RNF216: variants seen among roughly 807,000 people sequenced by gnomAD.
The protein encoded by RNF216 is E3 ubiquitin-protein ligase RNF216.
A neutral mutation model predicts 110.8 loss-of-function variants in RNF216; 72 were observed. The observed-to-expected ratio is 0.65, with a 90% CI of 0.54 to 0.79. The LOEUF is 0.79. RNF216 is among the 30% of genes least tolerant of loss of function. The pLI is 0.00. For synonymous variants in RNF216, 495 were observed against 407.5 expected, an observed-to-expected ratio of 1.21 and a Z score of -2.59; for missense variants, 1,342 against 1,141.2, an observed-to-expected ratio of 1.18 and a Z score of -2.54.
intron 14 of RNF216, 46 bp downstream of exon 14, chr7:5,652,367 G>C (rs1788446024): frequency 7.4e-7 from 1 of 1,358,930 alleles, no homozygotes; most frequent in Admixed American, 1.7e-5. Flanking sequence ...AGGTTAATGG[G>C]GAAGTTGAGA....
chr7:5,754,056 C>T lies in RNF216; in HGVS notation c.68-1077G>A, dbSNP rs117636845. ...AGAGAAGAAGAAAGAAACGAAATGACGCACCTCATCACTGCAATTTTTGAA... is the reference window on the plus strand; with the variant it reads ...AGAGAAGAAGAAAGAAACGAAATGATGCACCTCATCACTGCAATTTTTGAA... On this transcript the variant is annotated intron_variant, in intron 2 of 16. Coordinates refer to ENST00000389902, the MANE Select transcript of RNF216 (RefSeq NM_207111.4). Among the ~76,000 whole-genome samples, 441 of 151,900 alleles carry T rather than the reference C, an allele frequency of 2.9e-3. 1 individual carries two copies. The highest frequency in any genetic ancestry group is 6.8e-3 in the Middle Eastern group (2 of 294).
Position 5,741,257 on chromosome 7 carries a change from G to A in RNF216, c.760C>T (p.Arg254Trp), listed in dbSNP as rs372108527. The change falls in exon 4 of 17, where the codon CGG becomes TGG. Residue 254 changes from arginine (R) to tryptophan (W), a missense_variant. Physicochemically the swap from Arg to Trp is moderately radical, Grantham distance 101. Transcript: ENST00000389902. ...EITNQVVPQE[R>W]QPEAELGRLL... Reference sequence around the variant, plus strand: ...CGGCCCAGTTCTGCTTCAGGCTGCCGTTCCTGAGGAACGACCTGGTTTGTT... The same window carrying A: ...CGGCCCAGTTCTGCTTCAGGCTGCCATTCCTGAGGAACGACCTGGTTTGTT... 8.7e-6 allele frequency: 14 copies of A among 1,614,012 alleles called. No individual in the cohort carries two copies. The highest frequency in any genetic ancestry group is 6.7e-5 in the East Asian group (3 of 44,888).
intron 1 of RNF216, among the ~76,000 whole-genome samples, chr7:5,774,015 A>C (rs995209789): frequency 7.2e-5 from 11 of 152,228 alleles, no homozygotes; most frequent in African/African-American, 2.2e-4. Flanking sequence ...CGGTTCAAAA[A>C]ATTCCTCATG....
intron 1 of RNF216, among the ~76,000 whole-genome samples, chr7:5,776,048 T>C (rs1796756651): frequency 6.6e-6 from 1 of 152,114 alleles, no homozygotes; most frequent in Admixed American, 6.6e-5. Context: ...TGGATATCCA[T>C]CCTTTTGTAA....
At chr7:5,686,682 T>C (rs146780514) in intron 13 of RNF216, among the ~76,000 whole-genome samples, 2,974 of 152,330 alleles carry the variant, frequency 0.02, 45 homozygotes, top group Non-Finnish European at 0.031. Flanking sequence ...CTTTCAAAGG[T>C]AGCGCTATTT....
chr7:5,629,927 G>A (rs1786967356), intron 15 of RNF216, among the ~76,000 whole-genome samples: 1 of 152,014 alleles, frequency 6.6e-6, no homozygotes, highest in Admixed American at 6.6e-5. Flanking sequence ...TTGGACTTGG[G>A]ATAAGTGACA....
chr7:5,702,992 T>A (rs940668288), intron 13 of RNF216, among the ~76,000 whole-genome samples: 10 of 152,156 alleles, frequency 6.6e-5, no homozygotes, highest in African/African-American at 2.2e-4. Context: ...GATATACCTG[T>A]AAGGGAGCGT....
chr7:5,717,577 T>G (rs886174316), intron 9 of RNF216, among the ~76,000 whole-genome samples: 3 of 152,150 alleles, frequency 2.0e-5, no homozygotes, highest in African/African-American at 4.8e-5. Context: ...ATCATGGCAC[T>G]ATTTATAATA....
chr7:5,752,365 T>A (rs945686598), intron 3 of RNF216, among the ~76,000 whole-genome samples: 3 of 152,168 alleles, frequency 2.0e-5, no homozygotes, highest in Non-Finnish European at 4.4e-5. Context: ...CAAAATTTGT[T>A]CTTGGTTAGA....
chr7:5,754,408 C>G (rs142625995), intron 2 of RNF216, among the ~76,000 whole-genome samples: 269 of 152,128 alleles, frequency 1.8e-3, no homozygotes, highest in African/African-American at 5.8e-3. Context: ...GTGCTCCTCC[C>G]ACCTCGGCCT....
intron 13 of RNF216, among the ~76,000 whole-genome samples, chr7:5,700,361 G>C (rs1791885825): frequency 6.6e-6 from 1 of 152,198 alleles, no homozygotes; most frequent in Non-Finnish European, 1.5e-5. Flanking sequence ...TGACAAAAAG[G>C]AGGTAAAACA....
At chr7:5,754,184 C>T (rs1231169402) in intron 2 of RNF216, among the ~76,000 whole-genome samples, 1 of 149,918 alleles carries the variant, frequency 6.7e-6, no homozygotes, top group African/African-American at 2.5e-5. Context: ...GGGACAGGGT[C>T]TTGCTCTATT....
intron 1 of RNF216, among the ~76,000 whole-genome samples, chr7:5,778,677 C>G (rs937442672): frequency 4.6e-5 from 7 of 152,216 alleles, no homozygotes; most frequent in African/African-American, 7.2e-5. Flanking sequence ...AAACTGAGTT[C>G]AAGTTCCACG....
chr7:5,633,125 G>A (rs1314822963), intron 15 of RNF216, among the ~76,000 whole-genome samples: 2 of 151,858 alleles, frequency 1.3e-5, no homozygotes, highest in African/African-American at 4.8e-5. Flanking sequence ...GAGTACAGGC[G>A]TCCGCCCCAT....
intron 13 of RNF216, among the ~76,000 whole-genome samples, chr7:5,706,462 T>G (rs1416529290): frequency 6.6e-6 from 1 of 152,228 alleles, no homozygotes; most frequent in African/African-American, 2.4e-5. Flanking sequence ...ATCCTGCATT[T>G]AAGTGGAATC....
intron 13 of RNF216, among the ~76,000 whole-genome samples, chr7:5,677,990 A>G (rs1206444695): frequency 6.6e-6 from 1 of 152,136 alleles, no homozygotes; most frequent in Non-Finnish European, 1.5e-5. Context: ...TCCAGGGGGT[A>G]ACCAGATTTT....
At chr7:5,629,224 T>G (rs528365101) in intron 15 of RNF216, among the ~76,000 whole-genome samples, 3 of 149,048 alleles carry the variant, frequency 2.0e-5, no homozygotes, top group Admixed American at 1.3e-4. Context: ...TGAAGACAAT[T>G]CCAGTGCTTT....
chr7:5,777,877 C>T (rs926386818), intron 1 of RNF216, among the ~76,000 whole-genome samples: 14 of 152,108 alleles, frequency 9.2e-5, no homozygotes, highest in Non-Finnish European at 2.9e-5. Flanking sequence ...TAACATAAAA[C>T]ATCAAGATTT....
At chr7:5,772,720 T>G (rs1584621187) in intron 1 of RNF216, among the ~76,000 whole-genome samples, 1 of 151,980 alleles carries the variant, frequency 6.6e-6, no homozygotes, top group African/African-American at 2.4e-5. Flanking sequence ...CAAAACCAGG[T>G]TAGCAAAGTT....
Sources: gnomAD v4.1 joint callset for allele counts (sites outside exome capture counted in the v4.1 genomes callset) on GRCh38, gnomAD v4.1.1 for gene constraint, MANE v1.5 for transcripts, NCBI Gene and HGNC (gene_info 2026-07-23, HGNC 2026-07-21) for gene names.